The following HABP2 variants were observed in gnomAD, a reference collection of about 807,000 sequenced individuals.
HABP2 encodes hyaluronan binding protein 2, also known as factor VII-activating protease.
A neutral mutation model predicts 66.5 loss-of-function variants in HABP2; 65 were observed. That is an observed-to-expected ratio of 0.98 (90% confidence interval 0.80 to 1.20). The LOEUF (loss-of-function observed/expected upper bound fraction) is 1.20. Ranked by LOEUF, HABP2 falls within the 50% of genes most tolerant of loss-of-function variation. HABP2 has a pLI of 0.00. For synonymous variants in HABP2, 263 were observed against 253.9 expected (o/e 1.04, Z -0.34); for missense variants, 786 against 691.0 (o/e 1.14, Z -1.54).
intron 1 of HABP2, among the ~76,000 whole-genome samples, chr10:113,558,790 G>A (rs1462002943): frequency 6.6e-6 from 1 of 152,132 alleles, no homozygotes; most frequent in Admixed American, 6.5e-5. Flanking sequence ...AGGGAAACAT[G>A]GGGGCTTGTG....
rs1192431350 is a variant in HABP2 at position 113,574,412 on chromosome 10, AC to A, written c.223+9del. 23 of 1,372,022 alleles carry A rather than the reference AC, an allele frequency of 1.7e-5. No individual in the cohort carries two copies. The East Asian group carries it at 5.3e-4, about 31-fold the overall frequency. 85.0% of individuals were successfully genotyped at this position (1,372,022 alleles called of 1,614,324 possible). A position where few individuals can be genotyped will look rare whatever the true frequency, so the allele number is the denominator to read the frequency against. ...TACACTGAGGACCAAGCTGGTAGGTACCAAATCTCTTTCAGGGACTCTCCTG... is the reference window on the plus strand; with the variant it reads ...TACACTGAGGACCAAGCTGGTAGGTACAAATCTCTTTCAGGGACTCTCCTG... On this transcript the variant is annotated splice_region_variant and intron_variant, in intron 3 of 12. Coordinates refer to ENST00000351270, the MANE Select transcript of HABP2 (RefSeq NM_004132.5).
chr10:113,565,146 C>A (rs1017877318), intron 1 of HABP2, among the ~76,000 whole-genome samples: 1 of 152,196 alleles, frequency 6.6e-6, no homozygotes, highest in Admixed American at 6.5e-5. Context: ...GCCCAGCCAG[C>A]GTCTCTTAAG....
At chr10:113,582,801 G>T (rs1374766150) in intron 9 of HABP2, among the ~76,000 whole-genome samples, 3 of 152,306 alleles carry the variant, frequency 2.0e-5, no homozygotes, top group South Asian at 2.1e-4. Flanking sequence ...GTCCAACAAA[G>T]TCTGGGTTTT....
In HABP2 at chr10:113,577,283, C is replaced by A; in HGVS notation, c.448+17C>A. ...GCTCCCAAGGTAAGTGGTGGAGGCC[C>A]CTTCGACGCTAGACTTTCTGTGCCC... On this transcript the variant is annotated intron_variant, in intron 5 of 12. Transcript: ENST00000351270. 7.9e-7 allele frequency: 1 copy of A among 1,269,744 alleles called. No individual in the cohort carries two copies. Among genetic ancestry groups the A allele is most frequent in the Admixed American group, 1.7e-5 (1 of 59,540 alleles). 78.7% of individuals were successfully genotyped at this position (1,269,744 alleles called of 1,614,324 possible). A position where few individuals can be genotyped will look rare whatever the true frequency, so the allele number is the denominator to read the frequency against.
At chr10:113,578,190 A>C (rs760418017) in intron 6 of HABP2, 45 bp downstream of exon 6, 1 of 1,601,222 alleles carries the variant, frequency 6.2e-7, no homozygotes, top group Non-Finnish European at 8.5e-7. Context: ...AGGCCTCTGG[A>C]ACCCTTTCCT....
At chr10:113,563,662 G>A (rs1017110953) in intron 1 of HABP2, among the ~76,000 whole-genome samples, 1 of 152,166 alleles carries the variant, frequency 6.6e-6, no homozygotes, top group Non-Finnish European at 1.5e-5. Flanking sequence ...TAGGCAGCAT[G>A]GCACCCGGCT....
intron 12 of HABP2, among the ~76,000 whole-genome samples, chr10:113,586,490 TG>T (rs1311683519): frequency 1.2e-5 from 1 of 81,120 alleles, no homozygotes; most frequent in Admixed American, 1.2e-4. Context: ...GGGGGGGGGG[TG>T]TTTTAGCCCT....
In HABP2 at chr10:113,567,545, T is replaced by C. The variant is rs777239434; in HGVS notation, c.106+20T>C. On this transcript the variant is annotated intron_variant, in intron 2 of 12. Transcript: ENST00000351270. ...ACCCAGGTAAGTGTGCTGATCTCCC[T>C]GGGGCTTCCCACCAATCCCAGGCTG... is the stretch of plus-strand genomic sequence containing the variant. 3.1e-6 allele frequency: 5 copies of C among 1,590,468 alleles called. No individual in the cohort carries two copies. The highest frequency in any genetic ancestry group is 1.7e-4 in the Middle Eastern group (1 of 6,014).
chr10:113,564,893 C>G (rs891996853), intron 1 of HABP2, among the ~76,000 whole-genome samples: 2 of 151,962 alleles, frequency 1.3e-5, no homozygotes, highest in African/African-American at 4.8e-5. Flanking sequence ...GTAGCCCAGG[C>G]TGGAGTGCAG....
At chr10:113,555,323 C>CTGGTTTCCGT (rs1475302581) in intron 1 of HABP2, among the ~76,000 whole-genome samples, 2 of 152,108 alleles carry the variant, frequency 1.3e-5, no homozygotes, top group African/African-American at 4.8e-5. Flanking sequence ...TCCGTGTAGC[C>CTGGTTTCCGT]AGTCTCCTGT....
intron 1 of HABP2, among the ~76,000 whole-genome samples, chr10:113,563,814 G>A (rs934387550): frequency 3.9e-5 from 6 of 152,136 alleles, no homozygotes; most frequent in Admixed American, 6.5e-5. Flanking sequence ...CACCCTGTTC[G>A]GCTCAAAGAG....
At chr10:113,564,777 T>TTTTG (rs1247811953) in intron 1 of HABP2, among the ~76,000 whole-genome samples, 2 of 152,204 alleles carry the variant, frequency 1.3e-5, no homozygotes, top group Non-Finnish European at 2.9e-5. Flanking sequence ...TGTATAGTTG[T>TTTTG]TTTGTTTGTT....
chr10:113,576,930 T>TA (rs1298083594), intron 4 of HABP2, among the ~76,000 whole-genome samples: 1 of 152,120 alleles, frequency 6.6e-6, no homozygotes, highest in Admixed American at 6.5e-5. Flanking sequence ...TATTAAGATA[T>TA]AAAAATTAAG....
chr10:113,565,333 A>T (rs7088587), intron 1 of HABP2, among the ~76,000 whole-genome samples: 48,947 of 151,306 alleles, frequency 0.32, 9,142 homozygotes, highest in East Asian at 0.51. Context: ...TATTTTTTTT[A>T]AAAAAGAGGT....
rs377666145 is a variant in HABP2 at position 113,576,012 on chromosome 10, C to T, written c.331+8C>T. The T allele has an allele frequency of 1.5e-4, 212 of 1,397,880 alleles. No homozygotes were observed. The highest frequency in any genetic ancestry group is 1.3e-4 in the Non-Finnish European group (129 of 982,792). 86.6% of individuals were successfully genotyped at this position (1,397,880 alleles called of 1,614,324 possible). ...GGAATAAGTGTCAGAAAGGTGAGTC[C>T]GTCATCACTAGTCCACTCTTCCCTC... On this transcript the variant is annotated splice_region_variant and intron_variant, in intron 4 of 12. Transcript: ENST00000351270.
chr10:113,587,892 C>T (rs1027963783), intron 12 of HABP2, among the ~76,000 whole-genome samples: 2 of 152,084 alleles, frequency 1.3e-5, no homozygotes, highest in South Asian at 4.2e-4. Context: ...ACCTCCTCCC[C>T]TATGTGTGCT....
At chr10:113,579,944 G>C (rs923515713) in intron 7 of HABP2, among the ~76,000 whole-genome samples, 1 of 151,910 alleles carries the variant, frequency 6.6e-6, no homozygotes, top group Non-Finnish European at 1.5e-5. Flanking sequence ...CACCACACCC[G>C]GCTAATTTTT....
At chr10:113,555,894 C>T (rs2133738527) in intron 1 of HABP2, among the ~76,000 whole-genome samples, 1 of 152,298 alleles carries the variant, frequency 6.6e-6, no homozygotes, top group East Asian at 1.9e-4. Context: ...TTAGAAATCT[C>T]TTCTTGCTAG....
chr10:113,574,941 G>A (rs1162718953), intron 3 of HABP2, among the ~76,000 whole-genome samples: 2 of 151,992 alleles, frequency 1.3e-5, no homozygotes, highest in Non-Finnish European at 2.9e-5. Context: ...GTGTGTGTAT[G>A]TGTGCATATG....
Sources: gnomAD v4.1 joint callset for allele counts (sites outside exome capture counted in the v4.1 genomes callset) on GRCh38, gnomAD v4.1.1 for gene constraint, MANE v1.5 for transcripts, NCBI Gene and HGNC (gene_info 2026-07-23, HGNC 2026-07-21) for gene names.